The following FBXL17 variants were observed in gnomAD, a reference collection of about 807,000 sequenced individuals.
FBXL17 encodes the protein F-box/LRR-repeat protein 17.
FBXL17 carries 22 observed loss-of-function variants against 66.2 expected under a neutral mutation model. The ratio of observed to expected loss-of-function variants is 0.33; its 90% CI spans 0.24 to 0.47. The LOEUF is 0.47. Among genes scored for constraint, FBXL17 ranks in the 20% least tolerant of loss-of-function variants. The probability of loss-of-function intolerance (pLI) is 1.00; values close to 1 mark genes in which losing one functional copy is unlikely to be tolerated. For missense variants in FBXL17, 878 were observed against 948.2 expected (o/e 0.93, Z 0.97); for synonymous variants, 474 against 400.5 (o/e 1.18, Z -2.19).
chr5:107,965,906 A>G (rs1752120134), intron 7 of FBXL17, among the ~76,000 whole-genome samples: 1 of 152,124 alleles, frequency 6.6e-6, no homozygotes, highest in Admixed American at 6.6e-5. Context: ...TATTTTGGTG[A>G]TATTTTTCCC....
At chr5:108,100,187 A>C (rs1030236920) in intron 6 of FBXL17, among the ~76,000 whole-genome samples, 1 of 152,190 alleles carries the variant, frequency 6.6e-6, no homozygotes, top group African/African-American at 2.4e-5. Flanking sequence ...CATAGCATAC[A>C]AATTTTTAAA....
At chr5:108,292,282 C>A (rs149607687) in intron 4 of FBXL17, among the ~76,000 whole-genome samples, 3,176 of 152,028 alleles carry the variant, frequency 0.021, 117 homozygotes, top group African/African-American at 0.073. Flanking sequence ...CCACCACGCC[C>A]AGCTAATTTT....
intron 6 of FBXL17, among the ~76,000 whole-genome samples, chr5:108,031,984 G>T (rs896528621): frequency 2.0e-5 from 3 of 152,096 alleles, no homozygotes; most frequent in African/African-American, 7.2e-5. Flanking sequence ...CGTTTGCAAA[G>T]ACACTTTTAG....
At chr5:108,373,294 TATA>T (rs1454946255) in intron 1 of FBXL17, among the ~76,000 whole-genome samples, 2 of 136,866 alleles carry the variant, frequency 1.5e-5, no homozygotes, top group African/African-American at 2.5e-5. Context: ...TTAATATAAA[TATA>T]ATATATATCT....
intron 6 of FBXL17, among the ~76,000 whole-genome samples, chr5:108,154,673 GTATATATATACACA>G (rs1333120694): frequency 7.4e-6 from 1 of 134,252 alleles, no homozygotes; most frequent in Non-Finnish European, 1.6e-5. Flanking sequence ...ATATATATGT[GTATATATATACACA>G]TATATATGTA....
Position 107,992,989 on chromosome 5 carries a change from A to T in FBXL17, c.1822+27936T>A, listed in dbSNP as rs1012737989. Among the ~76,000 whole-genome samples, 58 of 151,746 alleles carry T rather than the reference A, an allele frequency of 3.8e-4. 1 individual carries two copies. The highest frequency in any genetic ancestry group is 1.3e-4 in the Non-Finnish European group (9 of 67,922). The stretch of plus-strand genomic sequence containing the variant: ...CGGCTCACTGCGAGCTCCACCTCCC[A>T]GGTTCACGCCATTCTCCTGCCTTAG... On this transcript the variant is annotated intron_variant, in intron 7 of 8. Coordinates refer to ENST00000542267, the MANE Select transcript of FBXL17 (RefSeq NM_001163315.3).
intron 7 of FBXL17, among the ~76,000 whole-genome samples, chr5:107,883,482 C>T (rs763385929): frequency 4.0e-5 from 6 of 151,820 alleles, no homozygotes; most frequent in East Asian, 1.9e-4. Context: ...GGGGTGGGTG[C>T]GACGTGGGGT....
chr5:108,158,494 C>CGT (rs767320754), intron 6 of FBXL17, among the ~76,000 whole-genome samples: 7 of 118,588 alleles, frequency 5.9e-5, no homozygotes, highest in Non-Finnish European at 1.2e-4. Context: ...GACAGTGGGG[C>CGT]GTGTGTGTGT....
At chr5:108,023,267 T>C (rs1165862840) in intron 6 of FBXL17, among the ~76,000 whole-genome samples, 1 of 152,148 alleles carries the variant, frequency 6.6e-6, no homozygotes, top group African/African-American at 2.4e-5. Flanking sequence ...GGAAAACTTG[T>C]AGCAAAATAT....
chr5:107,874,077 A>T (rs1362869939), intron 8 of FBXL17, among the ~76,000 whole-genome samples: 1 of 152,154 alleles, frequency 6.6e-6, no homozygotes, highest in Non-Finnish European at 1.5e-5. Context: ...TTGACTTGGC[A>T]GGTCTTCACT....
intron 8 of FBXL17, among the ~76,000 whole-genome samples, chr5:107,863,544 A>G (rs1227275270): frequency 7.0e-6 from 1 of 142,160 alleles, no homozygotes; most frequent in Non-Finnish European, 1.6e-5. Flanking sequence ...ATTCCAGATC[A>G]TTCACTCTTT....
chr5:108,353,749 C>A (rs1482330221), intron 3 of FBXL17, among the ~76,000 whole-genome samples: 2 of 152,044 alleles, frequency 1.3e-5, no homozygotes, highest in Admixed American at 1.3e-4. Flanking sequence ...TCCCAGCCCA[C>A]CTAAGGGTAA....
intron 6 of FBXL17, among the ~76,000 whole-genome samples, chr5:108,065,164 A>G (rs1171084380): frequency 1.3e-5 from 2 of 152,058 alleles, no homozygotes; most frequent in African/African-American, 4.8e-5. Flanking sequence ...ATGTGTGTGT[A>G]TGTATATGGG....
intron 6 of FBXL17, among the ~76,000 whole-genome samples, chr5:108,125,244 C>G (rs183607022): frequency 6.6e-6 from 1 of 151,938 alleles, no homozygotes; most frequent in Non-Finnish European, 1.5e-5. Flanking sequence ...AAACATTATA[C>G]GCCTATATCA....
At chr5:108,204,205 T>G (rs1286858404) in intron 5 of FBXL17, among the ~76,000 whole-genome samples, 4 of 152,110 alleles carry the variant, frequency 2.6e-5, no homozygotes, top group African/African-American at 4.8e-5. Flanking sequence ...GTCTTTTCTT[T>G]TTTCTTTTTT....
At chr5:107,985,850 G>T in intron 7 of FBXL17, among the ~76,000 whole-genome samples, 1 of 152,140 alleles carries the variant, frequency 6.6e-6, no homozygotes, top group East Asian at 1.9e-4. Context: ...ATAATCCAGT[G>T]TGTGGGTAGA....
At chr5:108,278,368 G>A (rs868349515) in intron 4 of FBXL17, among the ~76,000 whole-genome samples, 3 of 152,314 alleles carry the variant, frequency 2.0e-5, no homozygotes, top group Non-Finnish European at 2.9e-5. Context: ...CTAGGAACCC[G>A]CTGCACCAGT....
At chr5:107,962,299 T>C (rs532774665) in intron 7 of FBXL17, among the ~76,000 whole-genome samples, 118 of 152,266 alleles carry the variant, frequency 7.7e-4, no homozygotes, top group African/African-American at 2.6e-3. Context: ...ATTTGTAGTA[T>C]AAAAATTTTT....
chr5:108,310,621 ATTT>A (rs1004732852), intron 4 of FBXL17, among the ~76,000 whole-genome samples: 5 of 152,180 alleles, frequency 3.3e-5, no homozygotes, highest in Non-Finnish European at 5.9e-5. Flanking sequence ...ACTTTGAGAT[ATTT>A]TTTAAACTGT....
Sources: allele counts gnomAD v4.1 joint callset (sites outside exome capture counted in the v4.1 genomes callset), GRCh38; gene constraint gnomAD v4.1.1; transcripts MANE v1.5; gene names NCBI Gene and HGNC (gene_info 2026-07-23, HGNC 2026-07-21).